The following OAT variants were observed in gnomAD, a reference collection of about 807,000 sequenced individuals.
OAT encodes the protein ornithine aminotransferase, also known as ornithine aminotransferase, mitochondrial.
In OAT, 35 loss-of-function variants were observed where a neutral mutation model predicts 48.4. The observed-to-expected ratio is 0.72, with a 90% CI of 0.55 to 0.96. The LOEUF is 0.96. Among genes scored for constraint, OAT ranks in the 40% least tolerant of loss-of-function variants. The pLI is 0.00. For synonymous variants in OAT, 182 were observed against 198.4 expected, an observed-to-expected ratio of 0.92 and a Z score of 0.70; for missense variants, 438 against 537.9, an observed-to-expected ratio of 0.81 and a Z score of 1.84.
intron 2 of OAT, among the ~76,000 whole-genome samples, chr10:124,411,244 A>C (rs1387626174): frequency 6.6e-6 from 1 of 151,168 alleles, no homozygotes; most frequent in Non-Finnish European, 1.5e-5. Flanking sequence ...GCGGGGGGAG[A>C]AGAGAAGGGA....
At chr10:124,408,464 G>A in intron 4 of OAT, 78 bp downstream of exon 4, 3 of 1,291,694 alleles carry the variant, frequency 2.3e-6, no homozygotes, top group Non-Finnish European at 2.2e-6. Flanking sequence ...AGGATTACAG[G>A]CATGAGCCAC....
intron 6 of OAT, 129 bp downstream of exon 6, chr10:124,403,669 A>G: frequency 7.5e-7 from 1 of 1,335,812 alleles, no homozygotes; most frequent in Non-Finnish European, 1.1e-6. Context: ...CCTCTAGTGG[A>G]AAGTAATTTA....
chr10:124,411,915 A>G (rs1951763794), intron 2 of OAT, 58 bp downstream of exon 2: 1 of 1,497,300 alleles, frequency 6.7e-7, no homozygotes, highest in South Asian at 1.1e-5. Context: ...TATGGAAGCA[A>G]TTTTTTTTTA....
chr10:124,411,822 A>G (rs1951761065), intron 2 of OAT, 151 bp downstream of exon 2: 3 of 708,470 alleles, frequency 4.2e-6, no homozygotes, highest in Admixed American at 5.6e-5. Context: ...TCTCAAAAAA[A>G]AAAAAAAAAA....
intron 9 of OAT, among the ~76,000 whole-genome samples, chr10:124,398,799 G>C (rs1951311311): frequency 6.6e-6 from 1 of 151,990 alleles, no homozygotes; most frequent in South Asian, 2.1e-4. Flanking sequence ...GGCAGATCAT[G>C]AGGTCAAGAG....
At chr10:124,418,516 G>A (rs530034742) in intron 1 of OAT, among the ~76,000 whole-genome samples, 1 of 152,212 alleles carries the variant, frequency 6.6e-6, no homozygotes, top group Non-Finnish European at 1.5e-5. Flanking sequence ...CGGCGGCTCC[G>A]CCCGGTCTGG....
chr10:124,401,024 CT>C (rs1229530298), intron 8 of OAT, 40 bp from the exon 9 acceptor site: 8 of 1,542,188 alleles, frequency 5.2e-6, no homozygotes, highest in Middle Eastern at 1.8e-4. Context: ...TAAGACTGTC[CT>C]TTTTTTGTTT....
At chr10:124,402,193 C>G (rs1951433607) in intron 7 of OAT, among the ~76,000 whole-genome samples, 1 of 152,174 alleles carries the variant, frequency 6.6e-6, no homozygotes, top group African/African-American at 2.4e-5. Context: ...AGCCACCACA[C>G]CCGGCCAAGA....
intron 1 of OAT, among the ~76,000 whole-genome samples, chr10:124,413,559 T>C (rs1391501412): frequency 6.6e-6 from 1 of 152,104 alleles, no homozygotes; most frequent in Admixed American, 6.5e-5. Context: ...GGTGCATGCC[T>C]GTAATCCCAG....
chr10:124,404,899 T>G (rs764379675), intron 5 of OAT, among the ~76,000 whole-genome samples: 24 of 151,976 alleles, frequency 1.6e-4, no homozygotes, highest in Non-Finnish European at 3.2e-4. Flanking sequence ...GAAAAGTTAG[T>G]TGGGTGTGGT....
At chr10:124,416,996 ACTACAGCACATC>A (rs1164012202) in intron 1 of OAT, among the ~76,000 whole-genome samples, 2 of 152,216 alleles carry the variant, frequency 1.3e-5, no homozygotes, top group African/African-American at 4.8e-5. Flanking sequence ...ACCGGGGTCA[ACTACAGCACATC>A]CTCCACACAC....
intron 2 of OAT, among the ~76,000 whole-genome samples, chr10:124,411,279 C>T (rs12246133): frequency 0.1 from 15,378 of 151,372 alleles, 869 homozygotes; most frequent in African/African-American, 0.15. Context: ...ACCAAAGCAG[C>T]AAAAAGTTAG....
At chr10:124,416,758 A>G (rs2134508103) in intron 1 of OAT, among the ~76,000 whole-genome samples, 1 of 152,304 alleles carries the variant, frequency 6.6e-6, no homozygotes, top group African/African-American at 2.4e-5. Flanking sequence ...GTCGGCGTAA[A>G]GTTGTCCAAA....
chr10:124,413,849 C>T (rs948459847), intron 1 of OAT, among the ~76,000 whole-genome samples: 1 of 152,030 alleles, frequency 6.6e-6, no homozygotes, highest in African/African-American at 2.4e-5. Flanking sequence ...AAGTCAGAGC[C>T]ATAGCTACTC....
Position 124,397,838 on chromosome 10 carries a change from G to A in OAT, c.*104C>T. The A allele has an allele frequency of 7.2e-7, 1 of 1,392,864 alleles. No homozygotes were observed. Among genetic ancestry groups the A allele is most frequent in the East Asian group, 2.3e-5 (1 of 43,578 alleles). 86.3% of individuals were successfully genotyped at this position (1,392,864 alleles called of 1,614,324 possible). ...AAATATATTCAAAAAAAAAGTTTTT[G>A]AAGACTCATGGGAGTGGAATGTGCC... On this transcript the variant is annotated 3_prime_UTR_variant, in exon 10 of 10. Transcript: ENST00000368845.
Position 124,414,647 on chromosome 10 carries a change from T to C in OAT, c.-29-2447A>G, listed in dbSNP as rs578235568. ...TACTGCTAAGTCTAAAACACTCATG[T>C]ATGATTTCTTTCTTGGACTCTTTAT... On this transcript the variant is annotated intron_variant, in intron 1 of 9. Transcript: ENST00000368845. Among the ~76,000 whole-genome samples, 5 of 152,342 alleles carry C rather than the reference T, an allele frequency of 3.3e-5. No homozygotes were observed. The East Asian group carries it at 9.6e-4, about 29-fold the overall frequency.
intron 1 of OAT, among the ~76,000 whole-genome samples, chr10:124,413,565 C>A (rs1400201249): frequency 3.3e-5 from 5 of 152,108 alleles, no homozygotes; most frequent in Non-Finnish European, 7.4e-5. Context: ...TGCCTGTAAT[C>A]CCAGCGACTC....
At position 124,416,040 on chromosome 10, in the gene OAT, A is replaced by AT. The variant is rs949417913; in HGVS notation, c.-30+2832dup. Among the ~76,000 whole-genome samples the AT allele has an allele frequency of 3.9e-5, 6 of 152,278 alleles. No individual in the cohort carries two copies. In the East Asian group the frequency reaches 7.7e-4, roughly 20 times the overall value. On this transcript the variant is annotated intron_variant, in intron 1 of 9. Transcript: ENST00000368845. ...GCATGATAACCATTAACATTTGGTT[A>AT]TTTTTTCTATGCATAATTAGCATCC...
rs545774502 is a variant in OAT, at chr10:124,412,300, C to T, written c.-29-100G>A. ...CTGAGGTCAAAGGATCACGTGAGCC[C>T]AGGAGTTTGAGACCAGCCTGGGCAA... On this transcript the variant is annotated intron_variant, in intron 1 of 9. Transcript: ENST00000368845. 9.0e-4 allele frequency: 820 copies of T among 911,756 alleles called. 8 individuals carry two copies. In the African/African-American group the frequency reaches 0.012, roughly 14 times the overall value. 56.5% of individuals were successfully genotyped at this position (911,756 alleles called of 1,614,324 possible). A position where few individuals can be genotyped will look rare whatever the true frequency, so the allele number is the denominator to read the frequency against.
Sources: allele counts gnomAD v4.1 joint callset (sites outside exome capture counted in the v4.1 genomes callset), GRCh38; gene constraint gnomAD v4.1.1; transcripts MANE v1.5; gene names NCBI Gene and HGNC (gene_info 2026-07-23, HGNC 2026-07-21).